NELL1: variants seen among roughly 807,000 people sequenced by gnomAD.
The protein encoded by NELL1 is neural EGFL like 1.
Under a neutral mutation model 107.4 loss-of-function variants are expected in NELL1, and 76 were observed. That is an observed-to-expected ratio of 0.71 (90% CI 0.59 to 0.86). The LOEUF is 0.86. Among genes scored for constraint, NELL1 ranks in the 40% least tolerant of loss-of-function variants. The pLI is 0.00. For synonymous variants in NELL1, 353 were observed against 341.2 expected, an observed-to-expected ratio of 1.03 and a Z score of -0.38; for missense variants, 1,024 against 1,005.5, an observed-to-expected ratio of 1.02 and a Z score of -0.25.
At chr11:21,141,914 C>A (rs1230755140) in intron 13 of NELL1, among the ~76,000 whole-genome samples, 1 of 152,050 alleles carries the variant, frequency 6.6e-6, no homozygotes, top group African/African-American at 2.4e-5. Context: ...CAGGTGCCTG[C>A]CACCATGCTC....
At chr11:21,072,378 T>C (rs1854036117) in intron 12 of NELL1, among the ~76,000 whole-genome samples, 1 of 152,198 alleles carries the variant, frequency 6.6e-6, no homozygotes, top group Admixed American at 6.6e-5. Context: ...TCACTATTAT[T>C]GTCCTGTATA....
chr11:20,945,286 A>G (rs753818737), intron 10 of NELL1, among the ~76,000 whole-genome samples: 4 of 152,220 alleles, frequency 2.6e-5, no homozygotes, highest in Non-Finnish European at 5.9e-5. Flanking sequence ...TAATCCCACC[A>G]TGGGCTCTGG....
At chr11:21,513,114 C>T (rs569414862) in intron 15 of NELL1, among the ~76,000 whole-genome samples, 1 of 152,216 alleles carries the variant, frequency 6.6e-6, no homozygotes, top group South Asian at 2.1e-4. Flanking sequence ...ACTGAAGTTG[C>T]ACAGAAGAGG....
At chr11:21,103,637 G>A (rs1590638840) in intron 12 of NELL1, among the ~76,000 whole-genome samples, 1 of 152,132 alleles carries the variant, frequency 6.6e-6, no homozygotes, top group African/African-American at 2.4e-5. Flanking sequence ...GAGATAAAGA[G>A]GATATAGACA....
intron 15 of NELL1, among the ~76,000 whole-genome samples, chr11:21,392,910 T>G (rs1377369172): frequency 4.0e-5 from 6 of 151,788 alleles, no homozygotes; most frequent in Admixed American, 3.9e-4. Context: ...ATATTAAATG[T>G]TTGAATTATT....
At chr11:21,470,478 TATGTAC>T (rs1751926574) in intron 15 of NELL1, among the ~76,000 whole-genome samples, 1 of 152,124 alleles carries the variant, frequency 6.6e-6, no homozygotes, top group Non-Finnish European at 1.5e-5. Context: ...AAATGCCTGA[TATGTAC>T]ATGTTCCCCT....
chr11:21,134,670 C>G (rs970645316), intron 13 of NELL1, among the ~76,000 whole-genome samples: 1 of 152,124 alleles, frequency 6.6e-6, no homozygotes, highest in Non-Finnish European at 1.5e-5. Context: ...GTTAGAACAT[C>G]TGATCTATGC....
At chr11:20,828,666 C>A (rs1857937011) in intron 3 of NELL1, among the ~76,000 whole-genome samples, 1 of 152,204 alleles carries the variant, frequency 6.6e-6, no homozygotes, top group Non-Finnish European at 1.5e-5. Flanking sequence ...GAGATGTCCA[C>A]CCAGTCTCAC....
chr11:21,320,434 C>G (rs1364698713), intron 14 of NELL1, among the ~76,000 whole-genome samples: 1 of 152,080 alleles, frequency 6.6e-6, no homozygotes, highest in Non-Finnish European at 1.5e-5. Flanking sequence ...TGCACTGAGA[C>G]AGTGATGAAG....
chr11:21,224,005 T>G (rs1024720690), intron 13 of NELL1, among the ~76,000 whole-genome samples: 2 of 152,198 alleles, frequency 1.3e-5, no homozygotes, highest in Admixed American at 6.5e-5. Flanking sequence ...TTTCCTGGCC[T>G]GCAGGTTTCT....
At chr11:21,192,161 T>A (rs907398386) in intron 13 of NELL1, among the ~76,000 whole-genome samples, 2 of 151,944 alleles carry the variant, frequency 1.3e-5, no homozygotes, top group Admixed American at 1.3e-4. Context: ...TATCTTTTAA[T>A]TGCAGCCTTT....
At chr11:20,846,367 A>G (rs984405410) in intron 3 of NELL1, among the ~76,000 whole-genome samples, 4 of 152,186 alleles carry the variant, frequency 2.6e-5, no homozygotes, top group Admixed American at 2.6e-4. Flanking sequence ...CATTCCTCAT[A>G]GAAGATGCAT....
At chr11:21,491,193 T>C (rs1012500855) in intron 15 of NELL1, among the ~76,000 whole-genome samples, 1 of 152,164 alleles carries the variant, frequency 6.6e-6, no homozygotes, top group South Asian at 2.1e-4. Context: ...CAGAAGCTCT[T>C]TAGTTTAGTT....
chr11:20,821,980 C>T (rs918459750), intron 3 of NELL1, among the ~76,000 whole-genome samples: 17 of 152,166 alleles, frequency 1.1e-4, no homozygotes, highest in African/African-American at 3.9e-4. Context: ...CAGTTCTTTT[C>T]CATTTTTCTC....
chr11:20,718,710 T>G (rs1855309996), intron 2 of NELL1, among the ~76,000 whole-genome samples: 1 of 152,170 alleles, frequency 6.6e-6, no homozygotes, highest in East Asian at 1.9e-4. Context: ...TTCATATCTG[T>G]AATCTTCGTT....
At chr11:21,504,622 G>A (rs1394652302) in intron 15 of NELL1, among the ~76,000 whole-genome samples, 1 of 152,030 alleles carries the variant, frequency 6.6e-6, no homozygotes, top group African/African-American at 2.4e-5. Flanking sequence ...ATTTCTTAAG[G>A]TCTTCATTCC....
At chr11:20,991,566 T>G (rs927186027) in intron 12 of NELL1, among the ~76,000 whole-genome samples, 3 of 152,146 alleles carry the variant, frequency 2.0e-5, no homozygotes, top group Admixed American at 2.0e-4. Flanking sequence ...CAAAATTCAT[T>G]GCTCTTTCCC....
At chr11:20,756,726 CCA>C (rs1856301674) in intron 2 of NELL1, among the ~76,000 whole-genome samples, 1 of 151,902 alleles carries the variant, frequency 6.6e-6, no homozygotes, top group Non-Finnish European at 1.5e-5. Context: ...GGGCCTCCAC[CCA>C]CTCACTGCCG....
At position 20,755,546 on chromosome 11, in the gene NELL1, T is replaced by TGTTG. The variant is rs1299733045; in HGVS notation, c.185-28134_185-28133insGTTG. Among the ~76,000 whole-genome samples, 400 of 45,536 alleles carry TGTTG rather than the reference T, an allele frequency of 8.8e-3. 5 individuals are homozygous for TGTTG. The highest frequency in any genetic ancestry group is 0.023 in the African/African-American group (376 of 16,456). The allele number at this position is 45,536 out of a possible 152,430, so 29.9% of individuals were successfully genotyped here. A position where few individuals can be genotyped will look rare whatever the true frequency, so the allele number is the denominator to read the frequency against. On this transcript the variant is annotated intron_variant, in intron 2 of 19. Transcript: ENST00000357134. ...AAGACCTGTGTGGGTTTTTGTTTTT[T>TGTTG]TTTGTTTTTGTTTTTGTTTTTTTTT...
Sources: allele counts gnomAD v4.1 joint callset (sites outside exome capture counted in the v4.1 genomes callset), GRCh38; gene constraint gnomAD v4.1.1; transcripts MANE v1.5; gene names NCBI Gene and HGNC (gene_info 2026-07-23, HGNC 2026-07-21).